DNAJC18: variants seen among roughly 807,000 people sequenced by gnomAD.
DNAJC18 encodes the protein DnaJ heat shock protein family (Hsp40) member C18, also known as dnaJ homolog subfamily C member 18.
A neutral mutation model predicts 48.6 loss-of-function variants in DNAJC18; 40 were observed. The ratio of observed to expected loss-of-function variants is 0.82; its 90% confidence interval spans 0.64 to 1.07. The LOEUF is 1.07. Ranked by LOEUF, DNAJC18 falls within the 50% of genes least tolerant of loss-of-function variation. The probability of loss-of-function intolerance (pLI) is 0.00; values close to 1 mark genes in which losing one functional copy is unlikely to be tolerated. For synonymous variants in DNAJC18, 135 were observed against 152.2 expected (o/e 0.89, Z 0.83); for missense variants, 340 against 427.7 (o/e 0.79, Z 1.81).
intron 5 of DNAJC18, among the ~76,000 whole-genome samples, chr5:139,423,404 T>A (rs183288883): frequency 6.6e-6 from 1 of 151,510 alleles, no homozygotes; most frequent in Non-Finnish European, 1.5e-5. Flanking sequence ...TTTTTTTTTT[T>A]TCTGAGACAT....
intron 7 of DNAJC18, among the ~76,000 whole-genome samples, chr5:139,417,383 C>G (rs1759085650): frequency 6.6e-6 from 1 of 152,058 alleles, no homozygotes; most frequent in Non-Finnish European, 1.5e-5. Flanking sequence ...CTAAATTTAA[C>G]CTTGTTGGCT....
At chr5:139,420,411 T>C in intron 6 of DNAJC18, 186 bp from the exon 7 acceptor site, 1 of 579,580 alleles carries the variant, frequency 1.7e-6, no homozygotes, top group Non-Finnish European at 2.9e-6. Flanking sequence ...ATAATTGTAT[T>C]ATGTAAGCAA....
intron 2 of DNAJC18, among the ~76,000 whole-genome samples, chr5:139,433,826 T>C (rs2152085004): frequency 6.6e-6 from 1 of 152,368 alleles, no homozygotes; most frequent in East Asian, 1.9e-4. Context: ...AGATATATTT[T>C]ATGCATTCAT....
chr5:139,437,110 G>A (rs774334288), intron 2 of DNAJC18, among the ~76,000 whole-genome samples: 35 of 152,180 alleles, frequency 2.3e-4, no homozygotes, highest in Admixed American at 2.6e-4. Flanking sequence ...TCGTTCTGTT[G>A]TTGTTGAAAG....
chr5:139,414,375 T>G, intron 7 of DNAJC18, 103 bp from the exon 8 acceptor site: 1 of 1,444,640 alleles, frequency 6.9e-7, no homozygotes, highest in African/African-American at 1.4e-5. Context: ...TCAAGCTTTT[T>G]CTTACAATTA....
chr5:139,418,666 T>A (rs1184017601), intron 7 of DNAJC18: 2 of 443,828 alleles, frequency 4.5e-6, no homozygotes, highest in Admixed American at 2.4e-5. Flanking sequence ...GACTTTGCCG[T>A]ACAGAAATAG....
rs986441200 is a variant in DNAJC18, at chr5:139,412,218, C to A, written c.*1930G>T. 6.6e-6 allele frequency: 1 copy of A among 152,188 alleles called. No homozygotes were observed. Among genetic ancestry groups the A allele is most frequent in the African/African-American group, 2.4e-5 (1 of 41,420 alleles). 9.4% of individuals were successfully genotyped at this position (152,188 alleles called of 1,614,324 possible). On this transcript the variant is annotated 3_prime_UTR_variant, in exon 8 of 8. Coordinates refer to ENST00000302060, the MANE Select transcript of DNAJC18 (RefSeq NM_152686.4). Reference sequence around the variant, plus strand: ...AGATGTTGATGAGCCATGCTAGGCACGTCTGTGTAAATCATGGCCATGCAT... The same window carrying A: ...AGATGTTGATGAGCCATGCTAGGCAAGTCTGTGTAAATCATGGCCATGCAT...
chr5:139,428,493 C>A, intron 3 of DNAJC18, 45 bp downstream of exon 3: 1 of 1,580,944 alleles, frequency 6.3e-7, no homozygotes, highest in Non-Finnish European at 8.6e-7. Flanking sequence ...CTTATTATGA[C>A]CAACCATGAC....
chr5:139,416,927 G>A (rs1170224100), intron 7 of DNAJC18, among the ~76,000 whole-genome samples: 2 of 152,210 alleles, frequency 1.3e-5, no homozygotes, highest in Non-Finnish European at 2.9e-5. Flanking sequence ...GGTGGCTCAC[G>A]CCTGTAATCC....
At chr5:139,430,419 G>T (rs1283401152) in intron 2 of DNAJC18, among the ~76,000 whole-genome samples, 2 of 152,146 alleles carry the variant, frequency 1.3e-5, no homozygotes, top group Non-Finnish European at 2.9e-5. Context: ...CCTTGGTTTA[G>T]CTTTGATTTT....
chr5:139,437,594 G>A, intron 1 of DNAJC18, 36 bp from the exon 2 acceptor site: 2 of 1,570,586 alleles, frequency 1.3e-6, no homozygotes, highest in South Asian at 1.2e-5. Context: ...GTCTCCATCT[G>A]ACCCTGAAAA....
chr5:139,416,284 A>G (rs1314906037), intron 7 of DNAJC18, among the ~76,000 whole-genome samples: 1 of 152,244 alleles, frequency 6.6e-6, no homozygotes, highest in African/African-American at 2.4e-5. Flanking sequence ...TCTTCTTAGC[A>G]GAAAGTTCCC....
chr5:139,415,329 G>A (rs1278532518), intron 7 of DNAJC18, among the ~76,000 whole-genome samples: 2 of 152,298 alleles, frequency 1.3e-5, no homozygotes, highest in East Asian at 1.9e-4. Flanking sequence ...TTCTGAATAC[G>A]TTTCTATCAA....
chr5:139,414,751 A>G lies in DNAJC18; in HGVS notation c.953-479T>C, dbSNP rs555913797. Among the ~76,000 whole-genome samples, 4 of 152,370 alleles carry G rather than the reference A, an allele frequency of 2.6e-5. No homozygotes were observed. In the East Asian group the frequency reaches 7.7e-4, roughly 29 times the overall value. On this transcript the variant is annotated intron_variant, in intron 7 of 7. Coordinates refer to ENST00000302060, the MANE Select transcript of DNAJC18 (RefSeq NM_152686.4). ...GCCTACTGCTGCCGGGTGTGCGTCC[A>G]CAGAAGGCCAGGGCACTACTGGCGC...
At chr5:139,426,803 C>A (rs996876632) in intron 3 of DNAJC18, among the ~76,000 whole-genome samples, 1 of 151,950 alleles carries the variant, frequency 6.6e-6, no homozygotes, top group Non-Finnish European at 1.5e-5. Context: ...TGCAGTGAGC[C>A]GAGATCATGC....
At chr5:139,420,505 G>A (rs1163549498) in intron 6 of DNAJC18, among the ~76,000 whole-genome samples, 2 of 149,870 alleles carry the variant, frequency 1.3e-5, no homozygotes, top group East Asian at 3.9e-4. Context: ...GCTAAAAGTA[G>A]AATGCTGAAT....
In DNAJC18 at chr5:139,413,060, C is replaced by G. The variant is rs995149086; in HGVS notation, c.*1088G>C. On this transcript the variant is annotated 3_prime_UTR_variant, in exon 8 of 8. Coordinates refer to ENST00000302060, the MANE Select transcript of DNAJC18 (RefSeq NM_152686.4). ...ATTCATAGAACCAGGGATAATACATCTACTTCAGAGTTGTGAGGAGGTTTA... is the reference window on the plus strand; with the variant it reads ...ATTCATAGAACCAGGGATAATACATGTACTTCAGAGTTGTGAGGAGGTTTA... 2.0e-5 allele frequency: 8 copies of G among 397,184 alleles called. No individual in the cohort carries two copies. Among genetic ancestry groups the G allele is most frequent in the Non-Finnish European group, 3.5e-5 (8 of 225,776 alleles). The allele number at this position is 397,184 out of a possible 1,614,324, so 24.6% of individuals were successfully genotyped here. A position where few individuals can be genotyped will look rare whatever the true frequency, so the allele number is the denominator to read the frequency against.
chr5:139,433,656 G>T (rs562962392), intron 2 of DNAJC18, among the ~76,000 whole-genome samples: 2 of 152,172 alleles, frequency 1.3e-5, no homozygotes, highest in Non-Finnish European at 2.9e-5. Flanking sequence ...TTTTATGCAG[G>T]TGTGATTAAT....
chr5:139,428,360 G>A (rs1759275267), intron 3 of DNAJC18, among the ~76,000 whole-genome samples, 178 bp downstream of exon 3: 1 of 151,490 alleles, frequency 6.6e-6, no homozygotes, highest in Non-Finnish European at 1.5e-5. Context: ...TGTCACCACT[G>A]CACTCCAGCC....
Sources: gnomAD v4.1 joint callset for allele counts (sites outside exome capture counted in the v4.1 genomes callset) on GRCh38, gnomAD v4.1.1 for gene constraint, MANE v1.5 for transcripts, NCBI Gene and HGNC (gene_info 2026-07-23, HGNC 2026-07-21) for gene names.